The following ZSCAN22 variants were observed in gnomAD, a reference collection of about 807,000 sequenced individuals.
ZSCAN22 encodes the protein zinc finger and SCAN domain-containing protein 22.
A neutral mutation model predicts 12.4 loss-of-function variants in ZSCAN22; 7 were observed. The ratio of observed to expected loss-of-function variants is 0.57; its 90% confidence interval spans 0.32 to 1.06. ZSCAN22 has a LOEUF of 1.06. Ranked by LOEUF, ZSCAN22 falls within the 50% of genes least tolerant of loss-of-function variation. The probability of loss-of-function intolerance (pLI) is 0.04; values close to 1 mark genes in which losing one functional copy is unlikely to be tolerated. For synonymous variants in ZSCAN22, 243 were observed against 255.9 expected (o/e 0.95, Z 0.48); for missense variants, 576 against 631.7 (o/e 0.91, Z 0.94).
chr19:58,327,127 G>A lies in ZSCAN22; in HGVS notation c.-52+13G>A, dbSNP rs975304663. ...CTGTGCTGGTGAGGTGGGTTTCGGG[G>A]GTGTTCTCCGTCCTGATCCAGGCTG... On this transcript the variant is annotated intron_variant, in intron 1 of 2. Transcript: ENST00000329665. 1.3e-5 allele frequency: 2 copies of A among 152,690 alleles called. No homozygotes were observed. Among genetic ancestry groups the A allele is most frequent in the African/African-American group, 4.8e-5 (2 of 41,464 alleles). The allele number at this position is 152,690 out of a possible 1,614,324, so 9.5% of individuals were successfully genotyped here.
At position 58,338,777 on chromosome 19, in the gene ZSCAN22, T is replaced by C. The variant is rs763391851; in HGVS notation, c.927T>C (p.Thr309=). ...GTGGGAAAGCCTTCAGCCGGAGCAC[T>C]CACCTCGCCCAGCACCAGGTTGTCC... is the stretch of plus-strand genomic sequence containing the variant. ...SECGKAFSRS[T]HLAQHQVVHT... is the part of the protein sequence containing the mutation. Residue 309 remains threonine (T), a synonymous_variant, in exon 3 of 3, where the codon ACT becomes ACC. Coordinates refer to ENST00000329665, the MANE Select transcript of ZSCAN22 (RefSeq NM_181846.3). The surrounding 1 kb of genome is among the most constrained non-coding windows in gnomAD (Gnocchi z 5.4). 4.3e-6 allele frequency: 7 copies of C among 1,613,180 alleles called. No individual in the cohort carries two copies. The East Asian group carries it at 1.6e-4, about 36-fold the overall frequency.
chr19:58,328,442 A>C (rs2051682310), intron 1 of ZSCAN22, among the ~76,000 whole-genome samples: 1 of 152,190 alleles, frequency 6.6e-6, no homozygotes, highest in Non-Finnish European at 1.5e-5. Flanking sequence ...GCAGGGGGCT[A>C]TGGTATCCAT....
chr19:58,328,416 T>C (rs1264016935), intron 1 of ZSCAN22, among the ~76,000 whole-genome samples: 1 of 152,156 alleles, frequency 6.6e-6, no homozygotes, highest in Non-Finnish European at 1.5e-5. Flanking sequence ...TGTCCCCCAG[T>C]GTTTGCTTAC....
In ZSCAN22 at chr19:58,335,944, A is replaced by G. The variant is rs1416561677; in HGVS notation, c.403+739A>G. Among the ~76,000 whole-genome samples the G allele has an allele frequency of 6.6e-6, 1 of 152,206 alleles. No homozygotes were observed. The highest frequency in any genetic ancestry group is 1.5e-5 in the Non-Finnish European group (1 of 68,036). On this transcript the variant is annotated intron_variant, in intron 2 of 2. Transcript: ENST00000329665. This position sits in a 1 kb window ranked among gnomAD's most constrained non-coding sequence, Gnocchi z 4.1. ...GATGCAGGGAAGACCCAGCCTTGGG[A>G]CAATCCAGAGCAGGGAGTGGTGGCT...
At position 58,335,060 on chromosome 19, in the gene ZSCAN22, G is replaced by A; in HGVS notation, c.258G>A (p.Glu86=). ...TGCAGCCCGAGGCGCACTCCAAGGA[G>A]CAGATACTGGAGCTGCTGGTGCTGG... ...QWLQPEAHSK[E]QILELLVLEQ... The change falls in exon 2 of 3, where the codon GAG becomes GAA. Residue 86 remains glutamate, a synonymous_variant. Coordinates refer to ENST00000329665, the MANE Select transcript of ZSCAN22 (RefSeq NM_181846.3). This position sits in a 1 kb window ranked among gnomAD's most constrained non-coding sequence, Gnocchi z 4.1. 6.2e-7 allele frequency: 1 copy of A among 1,614,120 alleles called. No homozygotes were observed. The highest frequency in any genetic ancestry group is 8.5e-7 in the Non-Finnish European group (1 of 1,180,046).
Position 58,338,213 on chromosome 19 carries a change from G to C in ZSCAN22, c.404-41G>C. The C allele has an allele frequency of 2.0e-6, 3 of 1,537,256 alleles. No homozygotes were observed. The highest frequency in any genetic ancestry group is 2.6e-6 in the Non-Finnish European group (3 of 1,132,820). On this transcript the variant is annotated intron_variant, in intron 2 of 2. Transcript: ENST00000329665. The surrounding 1 kb of genome is among the most constrained non-coding windows in gnomAD (Gnocchi z 5.4). ...CCCTCGGCAGAGTAGGGGAGGCTTG[G>C]TGTGGTAGGAGGAGTGACAGTGTGG...
At position 58,329,898 on chromosome 19, in the gene ZSCAN22, T is replaced by C. The variant is rs2051702035; in HGVS notation, c.-52+2784T>C. On this transcript the variant is annotated intron_variant, in intron 1 of 2. Transcript: ENST00000329665. This position sits in a 1 kb window ranked among gnomAD's most constrained non-coding sequence, Gnocchi z 4.1. ...ATAGTATAAAATACCTTGGTAAGGA[T>C]GTAGAGAAATTGGAACCCTCATCCA... Among the ~76,000 whole-genome samples the C allele has an allele frequency of 6.6e-6, 1 of 152,150 alleles. No individual in the cohort carries two copies. Among genetic ancestry groups the C allele is most frequent in the African/African-American group, 2.4e-5 (1 of 41,440 alleles).
rs955061624 is a variant in ZSCAN22 at position 58,340,147 on chromosome 19, T to C, written c.*821T>C. ...GTATCACTCTCCAGGGGACTCTTGA[T>C]ATTACTTAGATCTGACTGTGTCACT... On this transcript the variant is annotated 3_prime_UTR_variant, in exon 3 of 3. Transcript: ENST00000329665. 6.6e-6 allele frequency: 1 copy of C among 152,276 alleles called. No homozygotes were observed. The highest frequency in any genetic ancestry group is 2.1e-4 in the South Asian group (1 of 4,832). The allele number at this position is 152,276 out of a possible 1,614,324, so 9.4% of individuals were successfully genotyped here.
In ZSCAN22 at chr19:58,335,014, G is replaced by C. The variant is rs750363630; in HGVS notation, c.212G>C (p.Arg71Pro). ...CCACACGAGGCCCTGGCCCACCTCCGAGCGCTGTGCTGTCAGTGGCTGCAG... is the reference window on the plus strand; with the variant it reads ...CCACACGAGGCCCTGGCCCACCTCCCAGCGCTGTGCTGTCAGTGGCTGCAG... ...SGPHEALAHLRALCCQWLQPE... is the reference protein window; with the variant it reads ...SGPHEALAHLPALCCQWLQPE... Residue 71 changes from arginine to proline, a missense_variant, in exon 2 of 3, where the codon CGA (arginine) becomes CCA (proline). Physicochemically the swap from Arg to Pro is moderately radical, Grantham distance 103. Coordinates refer to ENST00000329665, the MANE Select transcript of ZSCAN22 (RefSeq NM_181846.3). This position sits in a 1 kb window ranked among gnomAD's most constrained non-coding sequence, Gnocchi z 4.1. 28 of 1,614,076 alleles carry C rather than the reference G, an allele frequency of 1.7e-5. No homozygotes were observed. The highest frequency in any genetic ancestry group is 2.3e-5 in the Non-Finnish European group (27 of 1,180,036).
chr19:58,336,034 G>A (rs2051793038), intron 2 of ZSCAN22, among the ~76,000 whole-genome samples: 1 of 152,228 alleles, frequency 6.6e-6, no homozygotes. Context: ...CACACACTGG[G>A]AGGAAACGTG....
rs1306293356 is a variant in ZSCAN22, at chr19:58,338,295, CAG to C, written c.448_449del (p.Ser150Ter). 14 of 1,608,170 alleles carry C rather than the reference CAG, an allele frequency of 8.7e-6. No individual in the cohort carries two copies. The highest frequency in any genetic ancestry group is 1.2e-5 in the Non-Finnish European group (14 of 1,175,514). On this transcript the variant is annotated frameshift_variant, in exon 3 of 3. Coordinates refer to ENST00000329665, the MANE Select transcript of ZSCAN22 (RefSeq NM_181846.3). LOFTEE classifies it low-confidence loss of function (END_TRUNC). This position sits in a 1 kb window ranked among gnomAD's most constrained non-coding sequence, Gnocchi z 5.4. Reference protein sequence around the residue: ...GAEPTEASCKQSDLGESEPSN... With the variant: ...GAEPTEASCKXSDLGESEPSN... ...CGAGCCCACAGAGGCAAGCTGCAAG[CAG>C]AGTGACCTGGGAGAGTCAGAGCCAT...
chr19:58,330,509 C>T (rs1458892020), intron 1 of ZSCAN22, among the ~76,000 whole-genome samples: 2 of 152,136 alleles, frequency 1.3e-5, no homozygotes, highest in South Asian at 2.1e-4. Context: ...TTTTTGCTGT[C>T]CCTGACCAGC....
rs1462355315 is a variant in ZSCAN22 at position 58,327,128 on chromosome 19, GTGTT to G, written c.-52+15_-52+18del. On this transcript the variant is annotated intron_variant, in intron 1 of 2. Transcript: ENST00000329665. ...TGTGCTGGTGAGGTGGGTTTCGGGG[GTGTT>G]CTCCGTCCTGATCCAGGCTGGAGAG... 6.5e-6 allele frequency: 1 copy of G among 152,700 alleles called. No individual in the cohort carries two copies. The highest frequency in any genetic ancestry group is 2.4e-5 in the African/African-American group (1 of 41,468). The allele number at this position is 152,700 out of a possible 1,614,324, so 9.5% of individuals were successfully genotyped here.
chr19:58,339,312 A>G lies in ZSCAN22; in HGVS notation c.1462A>G (p.Thr488Ala). ...GATGGTTCACTTGCGGATCCACATC[A>G]CGGTGCTGCAATGACCGGAAGTCGC... is the stretch of plus-strand genomic sequence containing the variant. ...ALMVHLRIHI[T>A]VLQ Residue 488 changes from threonine (T) to alanine (A), a missense_variant, in exon 3 of 3, where the codon ACG becomes GCG. Thr to Ala is a moderately conservative substitution (Grantham distance 58). Coordinates refer to ENST00000329665, the MANE Select transcript of ZSCAN22 (RefSeq NM_181846.3). The surrounding 1 kb of genome is among the most constrained non-coding windows in gnomAD (Gnocchi z 5.6). 1 of 1,608,846 alleles carries G rather than the reference A, an allele frequency of 6.2e-7. No individual in the cohort carries two copies. Among genetic ancestry groups the G allele is most frequent in the Non-Finnish European group, 8.5e-7 (1 of 1,176,546 alleles).
chr19:58,341,703 T>A lies in ZSCAN22; in HGVS notation c.*2377T>A, dbSNP rs553249601. 15 of 152,308 alleles carry A rather than the reference T, an allele frequency of 9.8e-5. No homozygotes were observed. Among genetic ancestry groups the A allele is most frequent in the Non-Finnish European group, 1.5e-5 (1 of 68,036 alleles). 9.4% of individuals were successfully genotyped at this position (152,308 alleles called of 1,614,324 possible). ...TGAGAGACTGAGAGGGATGACAGGC[T>A]TAGGGGAAAACTCAGAGAGGAGAGA... is the stretch of plus-strand genomic sequence containing the variant. On this transcript the variant is annotated 3_prime_UTR_variant, in exon 3 of 3. Transcript: ENST00000329665.
intron 1 of ZSCAN22, 29 bp downstream of exon 1, chr19:58,327,143 A>G (rs60121895): frequency 0.02 from 2,995 of 152,600 alleles, 94 homozygotes; most frequent in African/African-American, 0.066. Flanking sequence ...CTCCGTCCTG[A>G]TCCAGGCTGG....
In ZSCAN22 at chr19:58,329,641, G is replaced by A. The variant is rs1232639139; in HGVS notation, c.-52+2527G>A. Among the ~76,000 whole-genome samples, 1 of 152,082 alleles carries A rather than the reference G, an allele frequency of 6.6e-6. No homozygotes were observed. The highest frequency in any genetic ancestry group is 1.5e-5 in the Non-Finnish European group (1 of 68,014). On this transcript the variant is annotated intron_variant, in intron 1 of 2. Transcript: ENST00000329665. This position sits in a 1 kb window ranked among gnomAD's most constrained non-coding sequence, Gnocchi z 4.1. ...TGAATATAGTACAATAAAATATTTT[G>A]AGAGAGAGAGAAAGACCACATTAAT...
Position 58,339,144 on chromosome 19 carries a change from G to A in ZSCAN22, c.1294G>A (p.Gly432Arg). The A allele has an allele frequency of 6.2e-7, 1 of 1,614,220 alleles. No homozygotes were observed. The highest frequency in any genetic ancestry group is 1.7e-5 in the Admixed American group (1 of 60,026). The change falls in exon 3 of 3, where the codon GGA becomes AGA. Residue 432 changes from glycine (G) to arginine (R), a missense_variant. Gly to Arg is a moderately radical substitution (Grantham distance 125). Coordinates refer to ENST00000329665, the MANE Select transcript of ZSCAN22 (RefSeq NM_181846.3). The surrounding 1 kb of genome is among the most constrained non-coding windows in gnomAD (Gnocchi z 5.6). ...ALIRHLRIHS[G>R]EKPYQCKVCP... ...GATCCGACATCTGAGAATCCACTCT[G>A]GAGAGAAGCCATATCAGTGTAAGGT...
chr19:58,335,219 G>A lies in ZSCAN22; in HGVS notation c.403+14G>A, dbSNP rs1402087127. On this transcript the variant is annotated intron_variant, in intron 2 of 2. Coordinates refer to ENST00000329665, the MANE Select transcript of ZSCAN22 (RefSeq NM_181846.3). This position sits in a 1 kb window ranked among gnomAD's most constrained non-coding sequence, Gnocchi z 4.1. ...TGGACAAGAGAGGTAAAGGGGCGCC[G>A]TGGGCAGCTTCACGGCACACCAGAG... 7.7e-6 allele frequency: 12 copies of A among 1,555,324 alleles called. No individual in the cohort carries two copies. The highest frequency in any genetic ancestry group is 6.9e-5 in the East Asian group (3 of 43,224).
Sources: allele counts gnomAD v4.1 joint callset (sites outside exome capture counted in the v4.1 genomes callset), GRCh38; gene constraint gnomAD v4.1.1; non-coding constraint Gnocchi (gnomAD v3.1); transcripts MANE v1.5; gene names NCBI Gene and HGNC (gene_info 2026-07-23, HGNC 2026-07-21).